The following KMT2C variants were observed in gnomAD, a reference collection of about 807,000 sequenced individuals.
The protein encoded by KMT2C is lysine methyltransferase 2C.
Under a neutral mutation model 507.9 loss-of-function variants are expected in KMT2C, and 88 were observed. The observed-to-expected ratio is 0.17, with a 90% CI of 0.15 to 0.21. The LOEUF (loss-of-function observed/expected upper bound fraction) is 0.21, where lower values mean the gene tolerates loss of function less well. Ranked by LOEUF, KMT2C falls within the 10% of genes least tolerant of loss-of-function variation. The pLI is 1.00. For synonymous variants in KMT2C, 2,049 were observed against 2,080.8 expected, an observed-to-expected ratio of 0.98 and a Z score of 0.42; for missense variants, 4,954 against 5,957.8, an observed-to-expected ratio of 0.83 and a Z score of 5.55.
chr7:152,174,162 T>G lies in KMT2C; in HGVS notation c.9343A>C (p.Asn3115His). The G allele has an allele frequency of 6.2e-7, 1 of 1,610,290 alleles. No homozygotes were observed. Among genetic ancestry groups the G allele is most frequent in the Non-Finnish European group, 8.5e-7 (1 of 1,177,916 alleles). The change falls in exon 39 of 59, where the codon AAT (asparagine) becomes CAT (histidine). Residue 3115 changes from asparagine (N) to histidine (H), a missense_variant. Asn to His is a moderately conservative substitution (Grantham distance 68, BLOSUM62 1). This residue lies in a region of KMT2C where 1,689 missense variants were observed against 1,654.3 expected (regional missense o/e 1.02). Coordinates refer to ENST00000262189, the MANE Select transcript of KMT2C (RefSeq NM_170606.3). Reference sequence around the variant, plus strand: ...ATCACCATTGGTGGCATGCCCAGATTGTTTTGTGCCATCACTTTATTTATA... The same window carrying G: ...ATCACCATTGGTGGCATGCCCAGATGGTTTTGTGCCATCACTTTATTTATA... ...KGINKVMAQN[N>H]LGMPPMVMSR...
rs1434308240 is a variant in KMT2C at position 152,355,647 on chromosome 7, G to A, written c.250+2940C>T. On this transcript the variant is annotated intron_variant, in intron 2 of 58. Transcript: ENST00000262189. The stretch of plus-strand genomic sequence containing the variant: ...GTTTCACTCCTGAGAGTGGTTAGCT[G>A]TGTGAAATGATCCTGAAAGGTTAAG... Among the ~76,000 whole-genome samples the A allele has an allele frequency of 1.3e-5, 2 of 152,132 alleles. 1 individual carries two copies. Among genetic ancestry groups the A allele is most frequent in the African/African-American group, 4.8e-5 (2 of 41,414 alleles).
rs184164896 is a variant in KMT2C, at chr7:152,244,167, C to G, written c.2532+3735G>C. ...ATTCCTTACAGTATTCAGTTTAATG[C>G]ATTTTTAAAAATCAGTAAGACAAGT... is the stretch of plus-strand genomic sequence containing the variant. On this transcript the variant is annotated intron_variant, in intron 14 of 58. Coordinates refer to ENST00000262189, the MANE Select transcript of KMT2C (RefSeq NM_170606.3). 4.1e-3 allele frequency among the ~76,000 whole-genome samples: 625 copies of G among 152,284 alleles called. 9 individuals carry two copies. The highest frequency in any genetic ancestry group is 3.8e-3 in the Non-Finnish European group (261 of 68,014).
chr7:152,346,335 A>T (rs2097057346), intron 2 of KMT2C, among the ~76,000 whole-genome samples: 2 of 152,246 alleles, frequency 1.3e-5, no homozygotes, highest in South Asian at 4.1e-4. Flanking sequence ...ATTCTGAGCC[A>T]TAAAACATAC....
At position 152,144,582 on chromosome 7, in the gene KMT2C, A is replaced by T. The variant is rs1192238255; in HGVS notation, c.14343+131T>A. 1.1e-6 allele frequency: 1 copy of T among 878,388 alleles called. No individual in the cohort carries two copies. The highest frequency in any genetic ancestry group is 1.7e-5 in the African/African-American group (1 of 59,894). The allele number at this position is 878,388 out of a possible 1,614,324, so 54.4% of individuals were successfully genotyped here. A position where few individuals can be genotyped will look rare whatever the true frequency, so the allele number is the denominator to read the frequency against. The stretch of plus-strand genomic sequence containing the variant: ...TAGTGTTACCAAGGGACAGGATTTG[A>T]TACGATTTTGAAAACACGTTTCTGT... On this transcript the variant is annotated intron_variant, in intron 55 of 58. Transcript: ENST00000262189. This position sits in a 1 kb window ranked among gnomAD's most constrained non-coding sequence, Gnocchi z 4.4.
At chr7:152,271,127 CCATT>C (rs1262094638) in intron 7 of KMT2C, among the ~76,000 whole-genome samples, 11 of 152,190 alleles carry the variant, frequency 7.2e-5, no homozygotes, top group South Asian at 6.2e-4. Context: ...TATGTGAATT[CCATT>C]CATTGTTTTC....
At chr7:152,343,802 C>T (rs527940747) in intron 2 of KMT2C, among the ~76,000 whole-genome samples, 1 of 152,020 alleles carries the variant, frequency 6.6e-6, no homozygotes, top group South Asian at 2.1e-4. Flanking sequence ...AATTCTGTAC[C>T]CTGCAAAATT....
intron 18 of KMT2C, among the ~76,000 whole-genome samples, chr7:152,225,655 A>G (rs192857991): frequency 6.6e-6 from 1 of 152,204 alleles, no homozygotes; most frequent in Non-Finnish European, 1.5e-5. Context: ...AAGACTTGGG[A>G]TCTATAAATC....
chr7:152,297,484 T>C (rs1375032346), intron 6 of KMT2C, among the ~76,000 whole-genome samples: 1 of 151,944 alleles, frequency 6.6e-6, no homozygotes, highest in Non-Finnish European at 1.5e-5. Flanking sequence ...TCAGAAACAA[T>C]GGGAGGGAAC....
At chr7:152,315,805 T>A (rs557462700) in intron 3 of KMT2C, among the ~76,000 whole-genome samples, 1 of 152,200 alleles carries the variant, frequency 6.6e-6, no homozygotes, top group East Asian at 1.9e-4. Flanking sequence ...TAATCCCAGC[T>A]ACTCGGGTGG....
chr7:152,378,316 A>G (rs1378300706), intron 1 of KMT2C, among the ~76,000 whole-genome samples: 1 of 152,182 alleles, frequency 6.6e-6, no homozygotes, highest in Non-Finnish European at 1.5e-5. Flanking sequence ...GTCTTATTGT[A>G]AGAAACTACC....
At chr7:152,147,732 AAAG>A (rs2091278171) in intron 52 of KMT2C, among the ~76,000 whole-genome samples, 9 of 150,544 alleles carry the variant, frequency 6.0e-5, no homozygotes, top group African/African-American at 2.2e-4. Context: ...AAAAAAAGAA[AAAG>A]AAAAAGAAAA....
chr7:152,182,202 G>A lies in KMT2C; in HGVS notation c.5658C>T (p.Ser1886=), dbSNP rs915174955. 5 of 1,614,014 alleles carry A rather than the reference G, an allele frequency of 3.1e-6. No individual in the cohort carries two copies. Among genetic ancestry groups the A allele is most frequent in the South Asian group, 1.1e-5 (1 of 91,074 alleles). ...PPSPQVFSPG[S]SNSRPPSPMD... ...TTGGAGATGGTGGTCGTGAGTTAGA[G>A]GACCCAGGTGAAAACACTTGCGGTG... Residue 1886 remains serine, a synonymous_variant, in exon 36 of 59, where the codon TCC becomes TCT. Coordinates refer to ENST00000262189, the MANE Select transcript of KMT2C (RefSeq NM_170606.3).
intron 24 of KMT2C, among the ~76,000 whole-genome samples, chr7:152,206,921 C>CA: frequency 6.6e-6 from 1 of 151,624 alleles, no homozygotes; most frequent in Non-Finnish European, 1.5e-5. Flanking sequence ...TAAGTTTTTT[C>CA]AAAAAAAGAT....
At chr7:152,277,961 C>A (rs796144675) in intron 6 of KMT2C, among the ~76,000 whole-genome samples, 1 of 152,060 alleles carries the variant, frequency 6.6e-6, no homozygotes, top group Non-Finnish European at 1.5e-5. Context: ...TTACTACAGA[C>A]TTCATTTATG....
intron 8 of KMT2C, among the ~76,000 whole-genome samples, chr7:152,263,452 T>C (rs1170749469): frequency 1.3e-5 from 2 of 152,176 alleles, no homozygotes; most frequent in Non-Finnish European, 2.9e-5. Flanking sequence ...CTATAACTGA[T>C]AGGTGCTACT....
At chr7:152,304,230 A>G (rs2096595752) in intron 6 of KMT2C, among the ~76,000 whole-genome samples, 1 of 152,218 alleles carries the variant, frequency 6.6e-6, no homozygotes, top group Non-Finnish European at 1.5e-5. Flanking sequence ...GTTTAAAAAA[A>G]CAGGTTCTCC....
intron 53 of KMT2C, among the ~76,000 whole-genome samples, chr7:152,146,075 T>C (rs2091070414): frequency 6.6e-6 from 1 of 152,218 alleles, no homozygotes; most frequent in African/African-American, 2.4e-5. Context: ...TCTAAAACTA[T>C]TGTGTAGATA....
rs927387420 is a variant in KMT2C, at chr7:152,200,886, G to A, written c.4093-1427C>T. Among the ~76,000 whole-genome samples, 40 of 152,146 alleles carry A rather than the reference G, an allele frequency of 2.6e-4. 1 individual carries two copies. Among genetic ancestry groups the A allele is most frequent in the Non-Finnish European group, 8.8e-5 (6 of 68,012 alleles). On this transcript the variant is annotated intron_variant, in intron 26 of 58. Transcript: ENST00000262189. ...GTCTGGTGGAGGCAATGATATATCTGATTTGAAATGTTCACATTTTAAATG... is the reference window on the plus strand; with the variant it reads ...GTCTGGTGGAGGCAATGATATATCTAATTTGAAATGTTCACATTTTAAATG...
At chr7:152,290,369 G>A (rs2096407516) in intron 6 of KMT2C, among the ~76,000 whole-genome samples, 1 of 130,698 alleles carries the variant, frequency 7.7e-6, no homozygotes, top group Non-Finnish European at 1.6e-5. Flanking sequence ...GGAGTGCAGT[G>A]GCACAATCTC....
Sources: allele counts gnomAD v4.1 joint callset (sites outside exome capture counted in the v4.1 genomes callset), GRCh38; gene constraint gnomAD v4.1.1; regional missense constraint gnomAD v4.1.1; non-coding constraint Gnocchi (gnomAD v3.1); transcripts MANE v1.5; gene names NCBI Gene and HGNC (gene_info 2026-07-23, HGNC 2026-07-21).